ZMYM4: variants seen among roughly 807,000 people sequenced by gnomAD.
ZMYM4 encodes the protein zinc finger MYM-type protein 4.
ZMYM4 carries 31 observed loss-of-function variants against 183.2 expected under a neutral mutation model. The observed-to-expected ratio is 0.17, with a 90% CI of 0.13 to 0.23. The LOEUF is 0.23. ZMYM4 is among the 10% of genes least tolerant of loss of function. The pLI, the probability that ZMYM4 is intolerant of heterozygous loss-of-function variation, is 1.00. For missense variants in ZMYM4, 1,273 were observed against 1,840.3 expected (o/e 0.69, Z 5.64); for synonymous variants, 592 against 631.2 (o/e 0.94, Z 0.93).
chr1:35,292,808 G>C (rs80002402), intron 1 of ZMYM4, among the ~76,000 whole-genome samples: 1,970 of 152,070 alleles, frequency 0.013, 45 homozygotes, highest in African/African-American at 0.045. Context: ...CGATTTAGTT[G>C]TTTTTAATTA....
intron 7 of ZMYM4, among the ~76,000 whole-genome samples, chr1:35,378,517 G>A (rs915136561): frequency 5.3e-5 from 8 of 152,166 alleles, no homozygotes; most frequent in Non-Finnish European, 1.0e-4. Context: ...TTAACCTCTT[G>A]TACATCTCCA....
At chr1:35,390,968 G>A (rs1644692369) in intron 15 of ZMYM4, among the ~76,000 whole-genome samples, 1 of 152,166 alleles carries the variant, frequency 6.6e-6, no homozygotes, top group Non-Finnish European at 1.5e-5. Flanking sequence ...AGGAGTTCAG[G>A]GGTGGAGTGA....
chr1:35,311,944 C>T (rs1458009453), intron 1 of ZMYM4, among the ~76,000 whole-genome samples: 3 of 151,842 alleles, frequency 2.0e-5, no homozygotes, highest in African/African-American at 4.8e-5. Context: ...GGCTGGAGTG[C>T]AGTGGTGATC....
intron 1 of ZMYM4, among the ~76,000 whole-genome samples, chr1:35,281,022 C>T (rs530123059): frequency 3.3e-5 from 5 of 152,214 alleles, no homozygotes; most frequent in Middle Eastern, 3.4e-3. Context: ...CGATGGCTCA[C>T]GCACGTAATC....
At chr1:35,323,699 C>CTA (rs1642386625) in intron 1 of ZMYM4, among the ~76,000 whole-genome samples, 1 of 151,882 alleles carries the variant, frequency 6.6e-6, no homozygotes, top group Admixed American at 6.6e-5. Flanking sequence ...ACTACAGGCG[C>CTA]CCACCACCAT....
chr1:35,331,205 A>T (rs573087964), intron 2 of ZMYM4, among the ~76,000 whole-genome samples: 1 of 152,318 alleles, frequency 6.6e-6, no homozygotes, highest in African/African-American at 2.4e-5. Flanking sequence ...TACTTTCTTT[A>T]TGAAAATGTT....
chr1:35,287,527 G>T (rs181105040), intron 1 of ZMYM4, among the ~76,000 whole-genome samples: 1 of 152,070 alleles, frequency 6.6e-6, no homozygotes, highest in African/African-American at 2.4e-5. Flanking sequence ...CTTCTTCCCT[G>T]CCAATTACTT....
intron 29 of ZMYM4, among the ~76,000 whole-genome samples, chr1:35,418,799 A>G (rs962816398): frequency 6.6e-6 from 1 of 152,190 alleles, no homozygotes; most frequent in South Asian, 2.1e-4. Context: ...AATCACTGCT[A>G]TTGTTTGATC....
chr1:35,286,276 A>T (rs1463124454), intron 1 of ZMYM4, among the ~76,000 whole-genome samples: 1 of 152,142 alleles, frequency 6.6e-6, no homozygotes, highest in Non-Finnish European at 1.5e-5. Context: ...AATTTTAAGA[A>T]AACAATTTCA....
In ZMYM4 at chr1:35,399,546, C is replaced by T. The variant is rs1644866347; in HGVS notation, c.3498C>T (p.His1166=). 6.2e-7 allele frequency: 1 copy of T among 1,614,136 alleles called. No individual in the cohort carries two copies. The highest frequency in any genetic ancestry group is 8.5e-7 in the Non-Finnish European group (1 of 1,180,006). Residue 1166 remains histidine, a synonymous_variant, in exon 23 of 30, where the codon CAC becomes CAT. Transcript: ENST00000314607. ...IQARSRTRRR[H]RDGFPQPRRR... ...CACGTTCCCGAACAAGACGACGACA[C>T]AGAGATGGCTTCCCCCAACCCAGAC...
At chr1:35,346,982 T>G (rs1421467617) in intron 2 of ZMYM4, among the ~76,000 whole-genome samples, 1 of 152,156 alleles carries the variant, frequency 6.6e-6, no homozygotes, top group Non-Finnish European at 1.5e-5. Flanking sequence ...TGGATAAAAT[T>G]GTTTAATTAG....
intron 1 of ZMYM4, among the ~76,000 whole-genome samples, chr1:35,282,497 G>A (rs1422177170): frequency 6.6e-6 from 1 of 152,110 alleles, no homozygotes; most frequent in Non-Finnish European, 1.5e-5. Flanking sequence ...GACTAGTACA[G>A]GTATGTACCT....
chr1:35,290,729 G>T (rs1418455677), intron 1 of ZMYM4, among the ~76,000 whole-genome samples: 1 of 152,192 alleles, frequency 6.6e-6, no homozygotes, highest in Non-Finnish European at 1.5e-5. Context: ...ACCATGCCTG[G>T]CTGGATGAAA....
In ZMYM4 at chr1:35,407,753, T is replaced by C. The variant is rs371824451; in HGVS notation, c.3797-255T>C. Among the ~76,000 whole-genome samples, 69 of 152,340 alleles carry C rather than the reference T, an allele frequency of 4.5e-4. 1 individual carries two copies. The highest frequency in any genetic ancestry group is 1.6e-3 in the African/African-American group (67 of 41,588). ...CAGAATCTAACCTGACTCTTCCCTG[T>C]TGGATAGCCCTCATTTGCTTTCACA... On this transcript the variant is annotated intron_variant, in intron 25 of 29. Coordinates refer to ENST00000314607, the MANE Select transcript of ZMYM4 (RefSeq NM_005095.3).
chr1:35,394,372 C>T (rs1490706287), intron 18 of ZMYM4, among the ~76,000 whole-genome samples: 2 of 151,592 alleles, frequency 1.3e-5, no homozygotes, highest in Non-Finnish European at 2.9e-5. Flanking sequence ...TAGGGTAGAG[C>T]CTCCATCCAG....
Position 35,362,737 on chromosome 1 carries a change from C to T in ZMYM4, c.840+948C>T, listed in dbSNP as rs957328243. Among the ~76,000 whole-genome samples the T allele has an allele frequency of 2.0e-5, 3 of 151,686 alleles. No homozygotes were observed. In the East Asian group the frequency reaches 5.8e-4, roughly 29 times the overall value. ...TTTTTTTTTGAGACAAGGTCTTGCT[C>T]TCTTGCCCAGGCTGGAATGCAGTGG... On this transcript the variant is annotated intron_variant, in intron 5 of 29. Transcript: ENST00000314607.
At chr1:35,410,308 T>A (rs1371242702) in intron 26 of ZMYM4, among the ~76,000 whole-genome samples, 1 of 152,168 alleles carries the variant, frequency 6.6e-6, no homozygotes. Flanking sequence ...AATTTTTAAT[T>A]GAATTGTCTT....
chr1:35,294,759 T>C (rs1640924136), intron 1 of ZMYM4, among the ~76,000 whole-genome samples: 1 of 152,116 alleles, frequency 6.6e-6, no homozygotes, highest in Non-Finnish European at 1.5e-5. Flanking sequence ...TAGGTAAATA[T>C]CTTGGGATGG....
intron 1 of ZMYM4, among the ~76,000 whole-genome samples, chr1:35,299,797 CTTTT>C (rs553866480): frequency 7.0e-6 from 1 of 142,956 alleles, no homozygotes; most frequent in Admixed American, 7.1e-5. Flanking sequence ...TCTTTCTTTT[CTTTT>C]TTTTTTTTTA....
Sources: gnomAD v4.1 joint callset for allele counts (sites outside exome capture counted in the v4.1 genomes callset) on GRCh38, gnomAD v4.1.1 for gene constraint, MANE v1.5 for transcripts, NCBI Gene and HGNC (gene_info 2026-07-23, HGNC 2026-07-21) for gene names.